The following NRG1 variants were observed in gnomAD, a reference collection of about 807,000 sequenced individuals.
NRG1 encodes the protein pro-neuregulin-1, membrane-bound isoform.
In NRG1, 18 loss-of-function variants were observed where a neutral mutation model predicts 63.8. That is an observed-to-expected ratio of 0.28 (90% CI 0.19 to 0.42). NRG1 has a LOEUF of 0.42. Ranked by LOEUF, NRG1 falls within the 10% of genes least tolerant of loss-of-function variation. NRG1 has a pLI of 1.00. For missense variants in NRG1, 762 were observed against 814.7 expected (o/e 0.94, Z 0.79); for synonymous variants, 302 against 301.3 (o/e 1.00, Z -0.02).
chr8:32,487,894 A>T (rs1826099103), intron 1 of NRG1, among the ~76,000 whole-genome samples: 1 of 152,226 alleles, frequency 6.6e-6, no homozygotes, highest in South Asian at 2.1e-4. Context: ...ATTTACATGC[A>T]GCCTTCAGTC....
At chr8:32,156,871 A>C (rs2131869878) in intron 1 of NRG1, among the ~76,000 whole-genome samples, 1 of 152,214 alleles carries the variant, frequency 6.6e-6, no homozygotes, top group South Asian at 2.1e-4. Flanking sequence ...AGGAGGCTGA[A>C]GGCTTCAGTG....
At chr8:31,732,822 G>A (rs1411345890) in intron 1 of NRG1, among the ~76,000 whole-genome samples, 1 of 152,130 alleles carries the variant, frequency 6.6e-6, no homozygotes, top group African/African-American at 2.4e-5. Context: ...TTGAACCCAG[G>A]AGGCAGAGGT....
intron 1 of NRG1, among the ~76,000 whole-genome samples, chr8:32,498,814 C>G (rs1363350451): frequency 6.6e-6 from 1 of 152,126 alleles, no homozygotes; most frequent in Non-Finnish European, 1.5e-5. Context: ...GCACCTATCT[C>G]AAAGAGAAAT....
chr8:32,458,918 C>T (rs1483009966), intron 1 of NRG1, among the ~76,000 whole-genome samples: 1 of 152,178 alleles, frequency 6.6e-6, no homozygotes, highest in Non-Finnish European at 1.5e-5. Context: ...GCTGCTCATT[C>T]TCATTGTCCT....
upstream of NRG1, among the ~76,000 whole-genome samples, chr8:32,544,472 ATTATTTATTTATTTATTTAT>A (rs10574242): frequency 1.4e-4 from 19 of 139,822 alleles, 1 homozygote; most frequent in African/African-American, 1.9e-4. Flanking sequence ...TGCCTAGCTT[ATTATTTATTTATTTATTTAT>A]TTATTTATTT....
At chr8:31,639,521 C>T (rs1803524865) in intron 1 of NRG1, 2 of 1,502,092 alleles carry the variant, frequency 1.3e-6, no homozygotes, top group Non-Finnish European at 1.8e-6. Flanking sequence ...GGGCTCTCTC[C>T]CTCGCGCTCT....
intron 1 of NRG1, among the ~76,000 whole-genome samples, chr8:32,059,816 TTATTTC>T (rs759110717): frequency 3.9e-4 from 60 of 152,060 alleles, no homozygotes; most frequent in Non-Finnish European, 6.8e-4. Flanking sequence ...ATGGGAAACT[TTATTTC>T]TATCTTTTCT....
chr8:32,514,679 A>G (rs762393293), intron 1 of NRG1, among the ~76,000 whole-genome samples: 12 of 152,278 alleles, frequency 7.9e-5, no homozygotes, highest in Non-Finnish European at 1.3e-4. Flanking sequence ...GTAGGAAATA[A>G]GCAAGTATTT....
chr8:32,069,431 A>G (rs1484711189), intron 1 of NRG1, among the ~76,000 whole-genome samples: 1 of 152,212 alleles, frequency 6.6e-6, no homozygotes, highest in African/African-American at 2.4e-5. Flanking sequence ...TCATCTGCCT[A>G]GAAGTAAGGT....
At chr8:32,537,785 G>A (rs1428263158) in intron 1 of NRG1, among the ~76,000 whole-genome samples, 2 of 152,164 alleles carry the variant, frequency 1.3e-5, no homozygotes, top group African/African-American at 2.4e-5. Flanking sequence ...AGAGTTCAAA[G>A]CTCGGTCAGA....
At chr8:32,122,831 G>T (rs1021204450) in intron 1 of NRG1, among the ~76,000 whole-genome samples, 3 of 150,220 alleles carry the variant, frequency 2.0e-5, no homozygotes, top group Non-Finnish European at 3.0e-5. Context: ...GTGTCCATGT[G>T]TTCTCATTGT....
intron 1 of NRG1, among the ~76,000 whole-genome samples, chr8:31,735,684 T>C (rs1260872504): frequency 6.6e-6 from 1 of 152,210 alleles, no homozygotes; most frequent in African/African-American, 2.4e-5. Context: ...TCTATATATT[T>C]GCCAACACAT....
At chr8:32,174,937 T>G (rs1840530595) in intron 1 of NRG1, among the ~76,000 whole-genome samples, 1 of 152,192 alleles carries the variant, frequency 6.6e-6, no homozygotes, top group Non-Finnish European at 1.5e-5. Context: ...TCTGAAACTA[T>G]TCCAATCAAT....
chr8:32,184,210 A>G (rs1201647155), intron 1 of NRG1, among the ~76,000 whole-genome samples: 2 of 152,070 alleles, frequency 1.3e-5, no homozygotes, highest in East Asian at 1.9e-4. Flanking sequence ...ATTTGTCTTT[A>G]TGATTTCAGG....
chr8:32,313,062 A>C (rs1353585723), intron 1 of NRG1, among the ~76,000 whole-genome samples: 1 of 152,168 alleles, frequency 6.6e-6, no homozygotes, highest in Non-Finnish European at 1.5e-5. Flanking sequence ...CTGAGGCAGG[A>C]GAATTGCTTG....
chr8:32,728,263 ATTGTT>A (rs1167286462), intron 6 of NRG1, 185 bp downstream of exon 6: 32 of 985,190 alleles, frequency 3.2e-5, no homozygotes, highest in Non-Finnish European at 3.6e-5. Flanking sequence ...CATATGCAGA[ATTGTT>A]TTTTGCTCTT....
chr8:31,766,824 C>T (rs1459581052), intron 1 of NRG1, among the ~76,000 whole-genome samples: 1 of 152,136 alleles, frequency 6.6e-6, no homozygotes, highest in Non-Finnish European at 1.5e-5. Context: ...CTACTGAGTA[C>T]GAGATTACCA....
rs367543165 is a variant in NRG1 at position 32,756,492 on chromosome 8, A to G, written c.884A>G (p.His295Arg). The change falls in exon 9 of 12, where the codon CAT (histidine) becomes CGT (arginine). Residue 295 changes from histidine to arginine, a missense_variant. Coordinates refer to ENST00000356819, the Ensembl canonical transcript of NRG1. ...ATGAACATTGCCAATGGGCCTCACC[A>G]TCCTAACCCACCCCCCGAGAATGTC... The G allele has an allele frequency of 6.2e-7, 1 of 1,613,514 alleles. No homozygotes were observed. Among genetic ancestry groups the G allele is most frequent in the South Asian group, 1.1e-5 (1 of 91,010 alleles).
At position 32,378,366 on chromosome 8, in the gene NRG1, G is replaced by A. The variant is rs150458184; in HGVS notation, c.38-217462G>A. Among the ~76,000 whole-genome samples, 1,198 of 152,246 alleles carry A rather than the reference G, an allele frequency of 7.9e-3. 8 individuals carry two copies. Among genetic ancestry groups the A allele is most frequent in the Non-Finnish European group, 0.012 (848 of 68,000 alleles). On this transcript the variant is annotated intron_variant, in intron 1 of 10. Coordinates refer to the NRG1 transcript ENST00000519301. Reference sequence around the variant, plus strand: ...ATCCTATATTCATTATGCCCGGGGCGCTTCCATTTACTCACTGAGTGCCTA... The same window carrying A: ...ATCCTATATTCATTATGCCCGGGGCACTTCCATTTACTCACTGAGTGCCTA...
Sources: allele counts gnomAD v4.1 joint callset (sites outside exome capture counted in the v4.1 genomes callset), GRCh38; gene constraint gnomAD v4.1.1; transcripts MANE v1.5; gene names NCBI Gene and HGNC (gene_info 2026-07-23, HGNC 2026-07-21).